SETDB2: variants seen among roughly 807,000 people sequenced by gnomAD.
SETDB2 encodes the protein histone-lysine N-methyltransferase SETDB2.
In SETDB2, 56 loss-of-function variants were observed where a neutral mutation model predicts 82.5. That is an observed-to-expected ratio of 0.68 (90% confidence interval 0.55 to 0.85). The LOEUF (loss-of-function observed/expected upper bound fraction) is 0.85, where lower values mean the gene tolerates loss of function less well. SETDB2 is among the 40% of genes least tolerant of loss of function. The probability of loss-of-function intolerance (pLI) is 0.00; values close to 1 mark genes in which losing one functional copy is unlikely to be tolerated. For synonymous variants in SETDB2, 272 were observed against 284.9 expected (o/e 0.95, Z 0.46); for missense variants, 677 against 816.4 (o/e 0.83, Z 2.08).
In SETDB2 at chr13:49,469,713, GT is replaced by G. The variant is rs575492963; in HGVS notation, c.305+1762del. Among the ~76,000 whole-genome samples, 1,409 of 151,594 alleles carry G rather than the reference GT, an allele frequency of 9.3e-3. 18 individuals carry two copies. Among genetic ancestry groups the G allele is most frequent in the Non-Finnish European group, 0.012 (809 of 67,804 alleles). ...TATTTTTAATTTTTCTATATTTGAA[GT>G]TTTTTTTTCCAGACCTTGAGATTTA... On this transcript the variant is annotated intron_variant, in intron 5 of 13. Transcript: ENST00000611815.
At chr13:49,456,521 G>C (rs916463517) in intron 2 of SETDB2, among the ~76,000 whole-genome samples, 1 of 152,108 alleles carries the variant, frequency 6.6e-6, no homozygotes, top group Admixed American at 6.5e-5. Context: ...ATTTCTGGGG[G>C]CAAATAGCAG....
intron 3 of SETDB2, among the ~76,000 whole-genome samples, chr13:49,460,451 T>C (rs1555270675): frequency 6.6e-6 from 1 of 152,194 alleles, no homozygotes; most frequent in Non-Finnish European, 1.5e-5. Context: ...GCTCATTATA[T>C]AACATTTGGC....
At chr13:49,481,923 C>A in intron 8 of SETDB2, 1 of 353,036 alleles carries the variant, frequency 2.8e-6, no homozygotes, top group Non-Finnish European at 4.0e-6. Flanking sequence ...GTTTACATGA[C>A]CATGTGCTTA....
At chr13:49,484,463 G>T (rs1467536914) in intron 10 of SETDB2, among the ~76,000 whole-genome samples, 2 of 152,128 alleles carry the variant, frequency 1.3e-5, no homozygotes, top group Non-Finnish European at 2.9e-5. Context: ...TAGAGACGGG[G>T]TTTCATGATG....
chr13:49,486,465 T>C (rs1158921614), intron 11 of SETDB2, among the ~76,000 whole-genome samples: 1 of 152,176 alleles, frequency 6.6e-6, no homozygotes, highest in Non-Finnish European at 1.5e-5. Context: ...AGGAGAACTT[T>C]GCTGACCTCT....
Position 49,460,161 on chromosome 13 carries a change from T to G in SETDB2, c.71T>G (p.Ile24Ser), listed in dbSNP as rs762753430. Reference sequence around the variant, plus strand: ...GAAGATGATGGAAAAGTGGACTTCATTTTTGAACAAGTACAAAATGTGCTG... The same window carrying G: ...GAAGATGATGGAAAAGTGGACTTCAGTTTTGAACAAGTACAAAATGTGCTG... ...ELEDDGKVDF[I>S]FEQVQNVLQS... The change falls in exon 3 of 14, where the codon ATT (isoleucine) becomes AGT (serine). Residue 24 changes from isoleucine to serine, a missense_variant. Around this residue, in one of 3 missense-constraint regions of SETDB2, gnomAD observed 243 missense variants for 237.2 expected, o/e 1.02. Coordinates refer to ENST00000611815, the MANE Select transcript of SETDB2 (RefSeq NM_001160308.3). The G allele has an allele frequency of 6.2e-7, 1 of 1,613,432 alleles. No individual in the cohort carries two copies. The highest frequency in any genetic ancestry group is 8.5e-7 in the Non-Finnish European group (1 of 1,179,628).
At chr13:49,460,597 G>A (rs1429215185) in intron 3 of SETDB2, among the ~76,000 whole-genome samples, 2 of 152,040 alleles carry the variant, frequency 1.3e-5, no homozygotes, top group Non-Finnish European at 2.9e-5. Flanking sequence ...TCTTCTGAAA[G>A]CAAAATTTGT....
In SETDB2 at chr13:49,451,883, G is replaced by A. The variant is rs759042956; in HGVS notation, c.-11G>A. The stretch of plus-strand genomic sequence containing the variant: ...TTTGAAGCATTTTATATTTATAAGC[G>A]ACATCAAAAGATGGGAGAAAAAAAT... On this transcript the variant is annotated 5_prime_UTR_variant, in exon 2 of 14. Transcript: ENST00000611815. 4.1e-5 allele frequency: 65 copies of A among 1,592,612 alleles called. 1 individual carries two copies. The highest frequency in any genetic ancestry group is 1.7e-4 in the Middle Eastern group (1 of 6,020).
chr13:49,475,980 G>T (rs1044234106), intron 5 of SETDB2, among the ~76,000 whole-genome samples: 1 of 151,766 alleles, frequency 6.6e-6, no homozygotes, highest in African/African-American at 2.4e-5. Flanking sequence ...TTGTTTTTTT[G>T]CATGCAAAGA....
At chr13:49,471,162 C>T (rs534102604) in intron 5 of SETDB2, among the ~76,000 whole-genome samples, 4 of 147,966 alleles carry the variant, frequency 2.7e-5, no homozygotes, top group African/African-American at 5.0e-5. Flanking sequence ...TTTTTTGTAG[C>T]GATGTGGTCT....
At chr13:49,483,423 GA>G in intron 9 of SETDB2, 40 bp from the exon 10 acceptor site, 2 of 772,462 alleles carry the variant, frequency 2.6e-6, no homozygotes, top group Non-Finnish European at 4.1e-6. Context: ...AGAATGAAGA[GA>G]ATTTTTAGTG....
chr13:49,480,805 G>A, intron 7 of SETDB2, 142 bp from the exon 8 acceptor site: 1 of 694,634 alleles, frequency 1.4e-6, no homozygotes, highest in Non-Finnish European at 2.4e-6. Flanking sequence ...AAATGTGGAA[G>A]CTGTGATGGG....
chr13:49,445,049 CAT>C (rs1351046583), intron 1 of SETDB2, among the ~76,000 whole-genome samples, 192 bp downstream of exon 1: 1 of 152,198 alleles, frequency 6.6e-6, no homozygotes, highest in Non-Finnish European at 1.5e-5. Flanking sequence ...AATACTAACA[CAT>C]GAGGCCAAGG....
In SETDB2 at chr13:49,488,475, C is replaced by T. The variant is rs184575306; in HGVS notation, c.1762C>T (p.Arg588Ter). 1.9e-6 allele frequency: 3 copies of T among 1,614,000 alleles called. No homozygotes were observed. Among genetic ancestry groups the T allele is most frequent in the East Asian group, 2.2e-5 (1 of 44,866 alleles). The change falls in exon 12 of 14, where the codon CGA becomes TGA. Residue 588 changes from arginine to a stop codon, truncating the protein, a stop_gained. Transcript: ENST00000611815. LOFTEE classifies it high-confidence loss of function. ...TCAAATTCAGAAACCCCAAGAGGGACGATCTACAGCATGTCAAAGACAGCA... is the reference window on the plus strand; with the variant it reads ...TCAAATTCAGAAACCCCAAGAGGGATGATCTACAGCATGTCAAAGACAGCA... ...EVQIQKPQEG[R>*]STACQRQQVF...
chr13:49,477,585 T>C (rs914523052), intron 6 of SETDB2, among the ~76,000 whole-genome samples: 3 of 152,242 alleles, frequency 2.0e-5, no homozygotes, highest in Admixed American at 6.5e-5. Context: ...CTAGTACTAA[T>C]ACATTAAAAG....
chr13:49,485,539 C>T, intron 10 of SETDB2, 91 bp from the exon 11 acceptor site: 2 of 958,690 alleles, frequency 2.1e-6, no homozygotes, highest in Middle Eastern at 2.4e-4. Context: ...TACATATAGC[C>T]TATGATGATT....
intron 6 of SETDB2, 52 bp from the exon 7 acceptor site, chr13:49,480,167 G>T: frequency 8.5e-7 from 1 of 1,175,988 alleles, no homozygotes; most frequent in Non-Finnish European, 1.2e-6. Flanking sequence ...ACAGTCTCTT[G>T]ACTTGACTTG....
At position 49,491,033 on chromosome 13, in the gene SETDB2, G is replaced by C. The variant is rs1052741739; in HGVS notation, c.2006+123G>C. 4 of 646,240 alleles carry C rather than the reference G, an allele frequency of 6.2e-6. 1 individual carries two copies. The highest frequency in any genetic ancestry group is 2.8e-5 in the Admixed American group (1 of 35,486). The allele number at this position is 646,240 out of a possible 1,614,324, so 40.0% of individuals were successfully genotyped here. On this transcript the variant is annotated intron_variant, in intron 13 of 13. Coordinates refer to ENST00000611815, the MANE Select transcript of SETDB2 (RefSeq NM_001160308.3). The stretch of plus-strand genomic sequence containing the variant: ...TTTGGGAGGCCAAGGTGGGGAGACT[G>C]CTTGAGCTCAGGAGTTTAAGACCAG...
At chr13:49,486,966 A>G (rs1958609380) in intron 11 of SETDB2, among the ~76,000 whole-genome samples, 1 of 152,180 alleles carries the variant, frequency 6.6e-6, no homozygotes, top group African/African-American at 2.4e-5. Flanking sequence ...GTCTATCAAA[A>G]AAGGGGATTT....
Sources: allele counts gnomAD v4.1 joint callset (sites outside exome capture counted in the v4.1 genomes callset), GRCh38; gene constraint gnomAD v4.1.1; regional missense constraint gnomAD v4.1.1; transcripts MANE v1.5; gene names NCBI Gene and HGNC (gene_info 2026-07-23, HGNC 2026-07-21).